FAM222B: variants seen among roughly 807,000 people sequenced by gnomAD.
The protein encoded by FAM222B is protein FAM222B.
A neutral mutation model predicts 38.0 loss-of-function variants in FAM222B; 12 were observed. The observed-to-expected ratio is 0.32, with a 90% confidence interval of 0.20 to 0.51. The LOEUF is 0.51. Ranked by LOEUF, FAM222B falls within the 20% of genes least tolerant of loss-of-function variation. FAM222B has a pLI of 0.97. For synonymous variants in FAM222B, 329 were observed against 317.2 expected, an observed-to-expected ratio of 1.04 and a Z score of -0.40; for missense variants, 716 against 754.2, an observed-to-expected ratio of 0.95 and a Z score of 0.59.
chr17:28,851,561 G>A (rs1182390854), intron 1 of FAM222B, among the ~76,000 whole-genome samples: 6 of 151,198 alleles, frequency 4.0e-5, no homozygotes, highest in Non-Finnish European at 8.8e-5. Flanking sequence ...GGGCAACATG[G>A]TGACAGCCTG....
intron 1 of FAM222B, among the ~76,000 whole-genome samples, chr17:28,819,674 T>C (rs1214297924): frequency 2.6e-5 from 4 of 152,234 alleles, no homozygotes; most frequent in South Asian, 2.1e-4. Flanking sequence ...AGAACTAAAA[T>C]ATGAATATAA....
chr17:28,808,054 C>T (rs1375308898), intron 1 of FAM222B, among the ~76,000 whole-genome samples: 2 of 152,230 alleles, frequency 1.3e-5, no homozygotes, highest in Admixed American at 1.3e-4. Context: ...TAATCTCCCT[C>T]ACTCTCCCAG....
chr17:28,798,017 A>G (rs2037026140), intron 1 of FAM222B, among the ~76,000 whole-genome samples: 1 of 152,096 alleles, frequency 6.6e-6, no homozygotes, highest in Non-Finnish European at 1.5e-5. Flanking sequence ...TGATCGTGCC[A>G]TTACACTCCA....
At chr17:28,807,924 AG>A (rs1208856078) in intron 1 of FAM222B, among the ~76,000 whole-genome samples, 1 of 152,250 alleles carries the variant, frequency 6.6e-6, no homozygotes. Flanking sequence ...TGTATCGGAA[AG>A]GTAACTTTGT....
chr17:28,765,014 T>A (rs939202790), intron 2 of FAM222B, among the ~76,000 whole-genome samples: 4 of 152,144 alleles, frequency 2.6e-5, no homozygotes, highest in Non-Finnish European at 5.9e-5. Context: ...CCAGAGAGTA[T>A]AACATAACAC....
chr17:28,830,846 A>C (rs2038643818), intron 1 of FAM222B, among the ~76,000 whole-genome samples: 1 of 151,392 alleles, frequency 6.6e-6, no homozygotes, highest in African/African-American at 2.4e-5. Context: ...AAATAAAATA[A>C]AGTTAAAATA....
chr17:28,759,243 G>A lies in FAM222B; in HGVS notation c.716C>T (p.Pro239Leu), dbSNP rs547251791. Residue 239 changes from proline (P) to leucine (L), a missense_variant, in exon 3 of 3, where the codon CCC becomes CTC. Coordinates refer to ENST00000581407, the MANE Select transcript of FAM222B (RefSeq NM_001077498.3). The surrounding 1 kb of genome is among the most constrained non-coding windows in gnomAD (Gnocchi z 4.8). The part of the protein sequence containing the change: ...GGRKMPDSDA[P>L]PNVTVSTSTI... ...TGAGGTAGACACGGTCACATTCGGG[G>A]GGGCATCTGAGTCTGGCATCTTCCG... 7.4e-6 allele frequency: 12 copies of A among 1,613,682 alleles called. No individual in the cohort carries two copies. Among genetic ancestry groups the A allele is most frequent in the Non-Finnish European group, 1.0e-5 (12 of 1,179,798 alleles).
chr17:28,817,328 G>A (rs546312673), intron 1 of FAM222B, among the ~76,000 whole-genome samples: 92 of 151,728 alleles, frequency 6.1e-4, no homozygotes, highest in Non-Finnish European at 1.2e-3. Context: ...TAGGAGAATC[G>A]CTTGAACCTG....
In FAM222B at chr17:28,799,225, G is replaced by A. The variant is rs538059368; in HGVS notation, c.-40-32518C>T. 4.0e-5 allele frequency among the ~76,000 whole-genome samples: 6 copies of A among 151,484 alleles called. No homozygotes were observed. In the South Asian group the frequency reaches 8.4e-4, roughly 21 times the overall value. On this transcript the variant is annotated intron_variant, in intron 1 of 2. Coordinates refer to ENST00000581407, the MANE Select transcript of FAM222B (RefSeq NM_001077498.3). ...CTTGACCTCATGATCCACCCACCTC[G>A]GCCTCCCAAAGTGCTGGGATTACAG...
intron 1 of FAM222B, among the ~76,000 whole-genome samples, chr17:28,791,874 A>G (rs2036706750): frequency 6.6e-6 from 1 of 150,634 alleles, no homozygotes; most frequent in Admixed American, 6.6e-5. Context: ...TGGCTAGGCT[A>G]GTCTCCTACT....
At chr17:28,794,114 A>T (rs2036828451) in intron 1 of FAM222B, among the ~76,000 whole-genome samples, 1 of 152,190 alleles carries the variant, frequency 6.6e-6, no homozygotes. Context: ...CCTTAGAAAG[A>T]GTACACAACA....
intron 1 of FAM222B, chr17:28,777,198 T>A (rs1186935200): frequency 6.6e-6 from 1 of 152,154 alleles, no homozygotes; most frequent in African/African-American, 2.4e-5. Flanking sequence ...CTAGACTTAC[T>A]CTCCTGAAAA....
chr17:28,760,632 C>G (rs906896900), intron 2 of FAM222B, among the ~76,000 whole-genome samples: 1 of 152,068 alleles, frequency 6.6e-6, no homozygotes, highest in Admixed American at 6.6e-5. Flanking sequence ...CTCTACCAGC[C>G]CATGTGGCTT....
At chr17:28,847,539 A>C (rs2039153441), upstream of FAM222B, among the ~76,000 whole-genome samples, 2 of 152,088 alleles carry the variant, frequency 1.3e-5, no homozygotes, top group African/African-American at 4.8e-5. Context: ...GGTTGCAGTG[A>C]GCCGAGATCG....
intron 1 of FAM222B, among the ~76,000 whole-genome samples, chr17:28,799,278 T>C (rs2037101247): frequency 6.8e-6 from 1 of 148,102 alleles, no homozygotes; most frequent in Non-Finnish European, 1.5e-5. Flanking sequence ...TGGCCTCTTG[T>C]TTTTGTAACA....
At chr17:28,809,689 G>A (rs1427563233) in intron 1 of FAM222B, among the ~76,000 whole-genome samples, 4 of 151,988 alleles carry the variant, frequency 2.6e-5, no homozygotes, top group Non-Finnish European at 5.9e-5. Context: ...TAGAAATATC[G>A]GGCGTGGAGG....
chr17:28,798,977 T>G (rs866474089), intron 1 of FAM222B, among the ~76,000 whole-genome samples: 21 of 149,152 alleles, frequency 1.4e-4, no homozygotes, highest in Middle Eastern at 7.0e-3. Context: ...ATCCTGTTGT[T>G]TTTTTTTTCT....
chr17:28,779,163 G>A (rs1354632423), intron 1 of FAM222B, among the ~76,000 whole-genome samples: 1 of 151,996 alleles, frequency 6.6e-6, no homozygotes, highest in African/African-American at 2.4e-5. Flanking sequence ...AATACTTCCA[G>A]ATACACTTCC....
intron 1 of FAM222B, among the ~76,000 whole-genome samples, chr17:28,796,422 G>A (rs1411946510): frequency 6.6e-6 from 1 of 152,170 alleles, no homozygotes; most frequent in African/African-American, 2.4e-5. Flanking sequence ...ATTAACTGGT[G>A]CTTCCTTTGA....
Sources: allele counts gnomAD v4.1 joint callset (sites outside exome capture counted in the v4.1 genomes callset), GRCh38; gene constraint gnomAD v4.1.1; non-coding constraint Gnocchi (gnomAD v3.1); transcripts MANE v1.5; gene names NCBI Gene and HGNC (gene_info 2026-07-23, HGNC 2026-07-21).